Variants in SLC1A2 observed in about 807,000 individuals in gnomAD.
SLC1A2 encodes the protein solute carrier family 1 member 2.
Under a neutral mutation model 48.8 loss-of-function variants are expected in SLC1A2, and 15 were observed. That is an observed-to-expected ratio of 0.31 (90% CI 0.21 to 0.47). The LOEUF is 0.47. SLC1A2 is among the 20% of genes least tolerant of loss of function. The probability of loss-of-function intolerance (pLI) is 0.99; values close to 1 mark genes in which losing one functional copy is unlikely to be tolerated. For synonymous variants in SLC1A2, 279 were observed against 272.6 expected, an observed-to-expected ratio of 1.02 and a Z score of -0.23; for missense variants, 502 against 730.5, an observed-to-expected ratio of 0.69 and a Z score of 3.61.
chr11:35,265,644 T>C lies in SLC1A2; in HGVS notation c.1536A>G (p.Glu512=). 6.2e-7 allele frequency: 1 copy of C among 1,612,824 alleles called. No individual in the cohort carries two copies. Reference sequence around the variant, plus strand: ...ATTGAGTCTTGGTCATTTCAATATCTTCATGCACTCGATGCTGGGAGTCAA... The same window carrying C: ...ATTGAGTCTTGGTCATTTCAATATCCTCATGCACTCGATGCTGGGAGTCAA... ...DTIDSQHRVH[E]DIEMTKTQSI... Residue 512 remains glutamate, a synonymous_variant, in exon 10 of 11, where the codon GAA becomes GAG. Coordinates refer to ENST00000278379, the MANE Select transcript of SLC1A2 (RefSeq NM_004171.4).
At chr11:35,287,050 T>C in intron 7 of SLC1A2, 99 bp from the exon 8 acceptor site, 2 of 963,004 alleles carry the variant, frequency 2.1e-6, no homozygotes, top group South Asian at 3.1e-5. Context: ...GTTTTTCTTG[T>C]TTTGTGTCAA....
rs745345905 is a variant in SLC1A2 at position 35,317,391 on chromosome 11, G to T, written c.143C>A (p.Thr48Asn). Residue 48 changes from threonine (T) to asparagine (N), a missense_variant, in exon 2 of 11, where the codon ACC becomes AAC. Thr to Asn is a moderately conservative substitution (Grantham distance 65). Coordinates refer to ENST00000278379, the MANE Select transcript of SLC1A2 (RefSeq NM_004171.4). ...CDKLGKNLLL[T>N]LTVFGVILGA... ...CAGGTACCTACCAAACACCGTCAGG[G>T]TGAGCAGCAGATTCTTCCCCAGCTT... is the stretch of plus-strand genomic sequence containing the variant. The T allele has an allele frequency of 1.2e-6, 2 of 1,614,064 alleles. No homozygotes were observed. Among genetic ancestry groups the T allele is most frequent in the East Asian group, 2.2e-5 (1 of 44,870 alleles).
chr11:35,301,639 A>G lies in SLC1A2; in HGVS notation c.737T>C (p.Ile246Thr). 6.2e-7 allele frequency: 1 copy of G among 1,613,652 alleles called. No homozygotes were observed. Among genetic ancestry groups the G allele is most frequent in the African/African-American group, 1.3e-5 (1 of 75,028 alleles). The change falls in exon 6 of 11, where the codon ATA becomes ACA. Residue 246 changes from isoleucine (I) to threonine (T), a missense_variant. Coordinates refer to ENST00000278379, the MANE Select transcript of SLC1A2 (RefSeq NM_004171.4). ...FKDGMNVLGL[I>T]GFFIAFGIAM... is the part of the protein sequence containing the mutation. ...GATGCCAAAAGCAATGAAAAACCCT[A>G]TCAGACCTGTTGGATGAATCACATT...
intron 8 of SLC1A2, chr11:35,286,479 G>T (rs945285447): frequency 4.5e-5 from 11 of 247,066 alleles, no homozygotes; most frequent in Non-Finnish European, 7.7e-5. Flanking sequence ...AATGGGCAAA[G>T]AAATTACCCT....
intron 1 of SLC1A2, among the ~76,000 whole-genome samples, chr11:35,375,947 C>A (rs1854214025): frequency 6.6e-6 from 1 of 152,186 alleles, no homozygotes; most frequent in African/African-American, 2.4e-5. Context: ...AGTCACACAG[C>A]AGGTAAGTCA....
intron 1 of SLC1A2, 87 bp from the exon 2 acceptor site, chr11:35,317,603 G>T (rs1014158355): frequency 6.9e-7 from 1 of 1,459,080 alleles, no homozygotes; most frequent in Non-Finnish European, 9.3e-7. Context: ...ACCTCTCCAG[G>T]CACAGTTGGA....
intron 1 of SLC1A2, among the ~76,000 whole-genome samples, chr11:35,363,975 G>A (rs1259681245): frequency 3.3e-5 from 5 of 152,164 alleles, no homozygotes; most frequent in Non-Finnish European, 7.3e-5. Context: ...AGGTGGCAGG[G>A]GCACCGGCAG....
At chr11:35,334,589 T>C (rs1407334184) in intron 1 of SLC1A2, among the ~76,000 whole-genome samples, 1 of 152,204 alleles carries the variant, frequency 6.6e-6, no homozygotes, top group Non-Finnish European at 1.5e-5. Flanking sequence ...CATTGATGAC[T>C]GACTAGCAGG....
At chr11:35,344,682 G>A (rs1852964204) in intron 1 of SLC1A2, among the ~76,000 whole-genome samples, 1 of 152,150 alleles carries the variant, frequency 6.6e-6, no homozygotes, top group Admixed American at 6.5e-5. Context: ...TCCCTCACAT[G>A]GTGAAAGACA....
intron 1 of SLC1A2, among the ~76,000 whole-genome samples, chr11:35,343,392 T>C (rs183107069): frequency 5.3e-5 from 8 of 152,330 alleles, no homozygotes; most frequent in South Asian, 4.1e-4. Context: ...TAAAAATGGG[T>C]GGCACCACAG....
Position 35,251,804 on chromosome 11 carries a change from G to C in SLC1A2, c.*9090C>G, listed in dbSNP as rs960439596. On this transcript the variant is annotated 3_prime_UTR_variant, in exon 11 of 11. Transcript: ENST00000278379. Reference sequence around the variant, plus strand: ...GTAGGCTTTACCCTTCTTGGGAAAAGAGTAGGGCACTCAGGGTTCCCTATA... The same window carrying C: ...GTAGGCTTTACCCTTCTTGGGAAAACAGTAGGGCACTCAGGGTTCCCTATA... The C allele has an allele frequency of 5.9e-5, 9 of 152,636 alleles. No homozygotes were observed. The highest frequency in any genetic ancestry group is 4.1e-4 in the South Asian group (2 of 4,832). 9.5% of individuals were successfully genotyped at this position (152,636 alleles called of 1,614,324 possible). A position where few individuals can be genotyped will look rare whatever the true frequency, so the allele number is the denominator to read the frequency against.
intron 1 of SLC1A2, among the ~76,000 whole-genome samples, chr11:35,320,163 T>C (rs1217192517): frequency 6.6e-6 from 1 of 152,220 alleles, no homozygotes; most frequent in East Asian, 1.9e-4. Flanking sequence ...ACCTTTAGAA[T>C]AAGATATAAG....
chr11:35,380,843 A>T (rs1387469453), intron 1 of SLC1A2, among the ~76,000 whole-genome samples: 1 of 152,172 alleles, frequency 6.6e-6, no homozygotes, highest in African/African-American at 2.4e-5. Flanking sequence ...GCTGCACTGG[A>T]TGACTGTTAT....
chr11:35,373,797 C>A (rs1384143672), intron 1 of SLC1A2, among the ~76,000 whole-genome samples: 1 of 152,194 alleles, frequency 6.6e-6, no homozygotes, highest in Non-Finnish European at 1.5e-5. Context: ...GTCATATACA[C>A]CAGGAGGCAG....
Position 35,312,315 on chromosome 11 carries a change from C to T in SLC1A2, c.444G>A (p.Lys148=), listed in dbSNP as rs145257000. The T allele has an allele frequency of 2.0e-4, 327 of 1,614,130 alleles. No homozygotes were observed. The African/African-American group carries it at 3.7e-3, about 18-fold the overall frequency. ...TCCCAGGCCCCAGCTGCTTCTTGAGCTTGGGATTGCCTGGATGGATAGCCA... is the reference window on the plus strand; with the variant it reads ...TCCCAGGCCCCAGCTGCTTCTTGAGTTTGGGATTGCCTGGATGGATAGCCA... The part of the protein sequence containing the change: ...LVLAIHPGNP[K]LKKQLGPGKK... The change falls in exon 4 of 11, where the codon AAG becomes AAA. Residue 148 remains lysine (K), a synonymous_variant. Coordinates refer to ENST00000278379, the MANE Select transcript of SLC1A2 (RefSeq NM_004171.4).
At chr11:35,396,409 G>T (rs1318623460) in intron 1 of SLC1A2, among the ~76,000 whole-genome samples, 18 of 132,028 alleles carry the variant, frequency 1.4e-4, no homozygotes, top group Non-Finnish European at 2.7e-4. Context: ...GTTTTGATTT[G>T]CATTTCTCTG....
intron 1 of SLC1A2, among the ~76,000 whole-genome samples, chr11:35,401,269 G>T (rs928744461): frequency 4.6e-5 from 7 of 152,138 alleles, no homozygotes; most frequent in Non-Finnish European, 8.8e-5. Context: ...ACCTGGAAAA[G>T]GAACAGGATT....
intron 9 of SLC1A2, among the ~76,000 whole-genome samples, chr11:35,277,478 C>A (rs978428828): frequency 6.6e-6 from 1 of 152,190 alleles, no homozygotes; most frequent in Non-Finnish European, 1.5e-5. Context: ...AATATCACCC[C>A]TTTTCCTCAC....
intron 1 of SLC1A2, among the ~76,000 whole-genome samples, chr11:35,338,154 A>C (rs1852700779): frequency 6.6e-6 from 1 of 152,202 alleles, no homozygotes; most frequent in Non-Finnish European, 1.5e-5. Flanking sequence ...TTTTATTAGA[A>C]CACAGCGAAG....
Sources: allele counts gnomAD v4.1 joint callset (sites outside exome capture counted in the v4.1 genomes callset), GRCh38; gene constraint gnomAD v4.1.1; transcripts MANE v1.5; gene names NCBI Gene and HGNC (gene_info 2026-07-23, HGNC 2026-07-21).